The following PPP1R42 variants were observed in gnomAD, a reference collection of about 807,000 sequenced individuals.
The protein encoded by PPP1R42 is leucine rich repeat containing 67.
PPP1R42 carries 34 observed loss-of-function variants against 31.0 expected under a neutral mutation model. The ratio of observed to expected loss-of-function variants is 1.10; its 90% CI spans 0.83 to 1.46. PPP1R42 has a LOEUF of 1.46. Among genes scored for constraint, PPP1R42 ranks in the 40% most tolerant of loss-of-function variants. The pLI is 0.00. For missense variants in PPP1R42, 268 were observed against 303.0 expected (o/e 0.88, Z 0.86); for synonymous variants, 103 against 109.8 (o/e 0.94, Z 0.39).
At chr8:67,028,130 TAGGCCAC>T in intron 1 of PPP1R42, among the ~76,000 whole-genome samples, 1 of 152,282 alleles carries the variant, frequency 6.6e-6, no homozygotes, top group East Asian at 1.9e-4. Flanking sequence ...TACTTCCACT[TAGGCCAC>T]AGGCTCAGTG....
chr8:66,977,265 A>T (rs1290954379), intron 7 of PPP1R42, among the ~76,000 whole-genome samples: 1 of 149,892 alleles, frequency 6.7e-6, no homozygotes, highest in Non-Finnish European at 1.5e-5. Context: ...TGAACTCCTG[A>T]TCTATGATCC....
At position 67,017,635 on chromosome 8, in the gene PPP1R42, TTGTC is replaced by T; in HGVS notation, c.109_112del (p.Asp37LysfsTer3). 2 of 1,532,614 alleles carry T rather than the reference TTGTC, an allele frequency of 1.3e-6. No homozygotes were observed. Among genetic ancestry groups the T allele is most frequent in the Non-Finnish European group, 1.8e-6 (2 of 1,136,330 alleles). 94.9% of individuals were successfully genotyped at this position (1,532,614 alleles called of 1,614,324 possible). A position where few individuals can be genotyped will look rare whatever the true frequency, so the allele number is the denominator to read the frequency against. On this transcript the variant is annotated frameshift_variant, in exon 2 of 8. Coordinates refer to ENST00000685739, the MANE Select transcript of PPP1R42 (RefSeq NM_001364910.1). LOFTEE classifies it high-confidence loss of function. The stretch of plus-strand genomic sequence containing the variant: ...AGTTCTTACAATTGCATCTATATTT[TTGTC>T]TGAAAAATTTATATGAGTTATTTTC...
intron 1 of PPP1R42, among the ~76,000 whole-genome samples, chr8:67,025,646 T>C (rs1816371146): frequency 6.6e-6 from 1 of 151,890 alleles, no homozygotes; most frequent in Admixed American, 6.6e-5. Flanking sequence ...TAATGTGGCA[T>C]GGGAGCCTTC....
intron 5 of PPP1R42, among the ~76,000 whole-genome samples, chr8:67,007,152 A>G (rs1205564959): frequency 6.6e-6 from 1 of 151,950 alleles, no homozygotes; most frequent in African/African-American, 2.4e-5. Context: ...TGCAGGGATT[A>G]CAGGCGTGAG....
At chr8:67,020,190 G>C (rs1816168919) in intron 1 of PPP1R42, among the ~76,000 whole-genome samples, 1 of 149,508 alleles carries the variant, frequency 6.7e-6, no homozygotes, top group Non-Finnish European at 1.5e-5. Flanking sequence ...GTTGTGTTTT[G>C]TTTTTGTTGT....
chr8:67,020,437 G>C (rs1169062436), intron 1 of PPP1R42, among the ~76,000 whole-genome samples: 2 of 152,102 alleles, frequency 1.3e-5, no homozygotes, highest in Admixed American at 6.6e-5. Flanking sequence ...CTGACCTCAG[G>C]TGATCTGCCT....
At chr8:66,966,022 G>C (rs1353296628) in intron 7 of PPP1R42, among the ~76,000 whole-genome samples, 1 of 152,184 alleles carries the variant, frequency 6.6e-6, no homozygotes, top group Non-Finnish European at 1.5e-5. Flanking sequence ...AGTTCCAGTT[G>C]CTCCCTATCC....
At chr8:66,966,983 T>C (rs1814400858) in intron 7 of PPP1R42, among the ~76,000 whole-genome samples, 1 of 152,060 alleles carries the variant, frequency 6.6e-6, no homozygotes, top group Admixed American at 6.5e-5. Flanking sequence ...CTAAAAAAAG[T>C]TTTTGATTTT....
intron 7 of PPP1R42, among the ~76,000 whole-genome samples, chr8:66,967,144 T>A (rs900640852): frequency 6.6e-6 from 1 of 152,070 alleles, no homozygotes; most frequent in Non-Finnish European, 1.5e-5. Context: ...ACCTGAATTT[T>A]TTTTTCTTAT....
chr8:66,991,619 TC>T (rs2130935941), intron 5 of PPP1R42, among the ~76,000 whole-genome samples: 1 of 152,292 alleles, frequency 6.6e-6, no homozygotes, highest in Non-Finnish European at 1.5e-5. Flanking sequence ...CACTTTCTCT[TC>T]CATTCTTCTT....
chr8:66,986,476 C>A (rs182265313), intron 6 of PPP1R42, among the ~76,000 whole-genome samples: 2 of 152,278 alleles, frequency 1.3e-5, no homozygotes, highest in African/African-American at 4.8e-5. Flanking sequence ...GGCCTGTTGT[C>A]CCTATCGCCA....
chr8:67,012,876 A>G, intron 4 of PPP1R42, 82 bp downstream of exon 4: 3 of 1,354,998 alleles, frequency 2.2e-6, no homozygotes, highest in South Asian at 3.2e-5. Flanking sequence ...ACAATGTCCA[A>G]ATATACCTTC....
chr8:67,024,944 T>A (rs1236025542), intron 1 of PPP1R42, among the ~76,000 whole-genome samples: 1 of 151,166 alleles, frequency 6.6e-6, no homozygotes, highest in Non-Finnish European at 1.5e-5. Flanking sequence ...AATTTTTTTT[T>A]TTTTTTTTTG....
chr8:67,018,023 T>A (rs1420238165), intron 1 of PPP1R42, among the ~76,000 whole-genome samples, 192 bp from the exon 2 acceptor site: 2 of 152,200 alleles, frequency 1.3e-5, no homozygotes, highest in African/African-American at 2.4e-5. Context: ...GCATCAAAAT[T>A]AAACGCACAA....
chr8:67,027,813 C>T (rs950217181), intron 1 of PPP1R42, among the ~76,000 whole-genome samples: 11 of 152,126 alleles, frequency 7.2e-5, no homozygotes, highest in African/African-American at 2.7e-4. Flanking sequence ...TTTCCACCTT[C>T]TAGATATCTC....
intron 5 of PPP1R42, among the ~76,000 whole-genome samples, chr8:66,990,129 T>G (rs1429585564): frequency 6.6e-6 from 1 of 152,198 alleles, no homozygotes; most frequent in Admixed American, 6.5e-5. Context: ...CAGCATTTGT[T>G]TGGCAGGGTT....
chr8:67,019,048 C>T (rs1816120505), intron 1 of PPP1R42, among the ~76,000 whole-genome samples: 1 of 148,462 alleles, frequency 6.7e-6, no homozygotes, highest in Non-Finnish European at 1.5e-5. Flanking sequence ...GTTGCTCAGG[C>T]TGGTCTTGAA....
At chr8:67,011,736 T>C (rs1343521806) in intron 4 of PPP1R42, among the ~76,000 whole-genome samples, 4 of 152,206 alleles carry the variant, frequency 2.6e-5, no homozygotes, top group Non-Finnish European at 5.9e-5. Context: ...AGTCATCTTA[T>C]GAGGCTCAGG....
intron 1 of PPP1R42, among the ~76,000 whole-genome samples, chr8:67,026,664 CT>C (rs1312804203): frequency 2.0e-5 from 3 of 151,480 alleles, no homozygotes; most frequent in Non-Finnish European, 4.4e-5. Context: ...GGCGAGACCC[CT>C]GTCTCTACAA....
Sources: allele counts gnomAD v4.1 joint callset (sites outside exome capture counted in the v4.1 genomes callset), GRCh38; gene constraint gnomAD v4.1.1; transcripts MANE v1.5; gene names NCBI Gene and HGNC (gene_info 2026-07-23, HGNC 2026-07-21).